Variants in UTRN observed in about 807,000 individuals in gnomAD.
The protein encoded by UTRN is dystrophin-related protein 1.
Under a neutral mutation model 463.9 loss-of-function variants are expected in UTRN, and 283 were observed. That is an observed-to-expected ratio of 0.61 (90% CI 0.55 to 0.67). UTRN has a LOEUF of 0.67. UTRN is among the 30% of genes least tolerant of loss of function. The pLI is 0.00. For missense variants in UTRN, 3,922 were observed against 4,084.3 expected, an observed-to-expected ratio of 0.96 and a Z score of 1.08; for synonymous variants, 1,442 against 1,431.5, an observed-to-expected ratio of 1.01 and a Z score of -0.17.
intron 51 of UTRN, among the ~76,000 whole-genome samples, chr6:144,669,456 T>C (rs1206417406): frequency 6.6e-6 from 1 of 152,224 alleles, no homozygotes; most frequent in Non-Finnish European, 1.5e-5. Flanking sequence ...TTATATCCTG[T>C]TGTTAAAAAT....
chr6:144,516,660 TA>T (rs11315151), intron 38 of UTRN, 150 bp from the exon 39 acceptor site: 50,987 of 647,350 alleles, frequency 0.079, 5,892 homozygotes, highest in East Asian at 0.54. Flanking sequence ...AAAATATATT[TA>T]AAAAAAACAT....
At chr6:144,342,342 TACACACACACACAC>T (rs55809792) in intron 2 of UTRN, among the ~76,000 whole-genome samples, 2 of 138,244 alleles carry the variant, frequency 1.4e-5, no homozygotes, top group East Asian at 2.1e-4. Flanking sequence ...GGTACACACA[TACACACACACACAC>T]ACACACACAC....
intron 51 of UTRN, among the ~76,000 whole-genome samples, chr6:144,611,601 A>G (rs1805534966): frequency 1.3e-5 from 2 of 149,234 alleles, no homozygotes; most frequent in South Asian, 2.2e-4. Context: ...AAACAATCCC[A>G]TTTACAGTAG....
At chr6:144,613,906 A>T (rs1805789924) in intron 51 of UTRN, among the ~76,000 whole-genome samples, 1 of 152,088 alleles carries the variant, frequency 6.6e-6, no homozygotes, top group Non-Finnish European at 1.5e-5. Flanking sequence ...ATGTATGCAA[A>T]CATATATATT....
chr6:144,520,913 G>A (rs1026305555), intron 39 of UTRN, among the ~76,000 whole-genome samples: 1 of 152,154 alleles, frequency 6.6e-6, no homozygotes, highest in East Asian at 1.9e-4. Context: ...TTATTAAATT[G>A]TGGCCATCTA....
intron 51 of UTRN, among the ~76,000 whole-genome samples, chr6:144,592,696 G>A (rs374041914): frequency 1.8e-4 from 28 of 152,172 alleles, no homozygotes; most frequent in African/African-American, 6.5e-4. Context: ...ATTTATTGCC[G>A]GATTTCCATC....
intron 6 of UTRN, among the ~76,000 whole-genome samples, chr6:144,424,849 C>A (rs1034427766): frequency 6.6e-6 from 1 of 151,992 alleles, no homozygotes; most frequent in African/African-American, 2.4e-5. Flanking sequence ...AACAAGAACT[C>A]TCTTATGTAA....
intron 51 of UTRN, among the ~76,000 whole-genome samples, chr6:144,640,236 G>A (rs1397742876): frequency 6.6e-6 from 1 of 152,094 alleles, no homozygotes; most frequent in Non-Finnish European, 1.5e-5. Context: ...GGAATCTAAT[G>A]TTAATGAGAA....
chr6:144,728,716 GT>G (rs2128713315), intron 53 of UTRN, among the ~76,000 whole-genome samples: 1 of 152,114 alleles, frequency 6.6e-6, no homozygotes, highest in East Asian at 1.9e-4. Context: ...TTTAGAGAAA[GT>G]TTTATTTTAT....
At chr6:144,482,947 A>T (rs1225424742) in intron 27 of UTRN, among the ~76,000 whole-genome samples, 1 of 151,964 alleles carries the variant, frequency 6.6e-6, no homozygotes, top group Non-Finnish European at 1.5e-5. Flanking sequence ...AGTCTATGAA[A>T]TTTTTTTAAA....
intron 2 of UTRN, among the ~76,000 whole-genome samples, chr6:144,388,350 G>A (rs962579824): frequency 1.7e-4 from 26 of 150,472 alleles, no homozygotes; most frequent in African/African-American, 5.4e-4. Flanking sequence ...GTCTTACTTT[G>A]TTGTCCCACT....
At chr6:144,541,581 T>C (rs1452307919) in intron 45 of UTRN, among the ~76,000 whole-genome samples, 1 of 152,248 alleles carries the variant, frequency 6.6e-6, no homozygotes, top group African/African-American at 2.4e-5. Context: ...GTTTATTTCA[T>C]TCATTCATAC....
At chr6:144,392,715 A>G (rs1422509207) in intron 2 of UTRN, among the ~76,000 whole-genome samples, 2 of 152,188 alleles carry the variant, frequency 1.3e-5, no homozygotes, top group East Asian at 3.8e-4. Context: ...TGCACACTGG[A>G]ATATGTGTGT....
intron 65 of UTRN, among the ~76,000 whole-genome samples, chr6:144,819,911 C>CCTCCTCCTCCTGTCTCT (rs11397588): frequency 2.5e-5 from 3 of 118,610 alleles, no homozygotes; most frequent in Non-Finnish European, 5.0e-5. Context: ...TCCTCCTCCT[C>CCTCCTCCTCCTGTCTCT]CTCTCTCTCT....
chr6:144,552,118 A>C (rs1798975350), intron 48 of UTRN, among the ~76,000 whole-genome samples: 1 of 152,256 alleles, frequency 6.6e-6, no homozygotes, highest in African/African-American at 2.4e-5. Context: ...ACTACCTAAT[A>C]AATATTTGTG....
chr6:144,827,804 T>G, intron 68 of UTRN, 128 bp downstream of exon 68: 3 of 1,143,616 alleles, frequency 2.6e-6, no homozygotes, highest in Non-Finnish European at 3.7e-6. Flanking sequence ...GATTCCATTA[T>G]ATTTGGAATT....
intron 52 of UTRN, among the ~76,000 whole-genome samples, chr6:144,681,548 G>A (rs1438342097): frequency 1.3e-5 from 2 of 152,092 alleles, no homozygotes; most frequent in African/African-American, 4.8e-5. Context: ...GGCTTTGGTG[G>A]CCTTTTGCCA....
chr6:144,446,277 G>A (rs1031182812), intron 14 of UTRN, among the ~76,000 whole-genome samples: 13 of 152,270 alleles, frequency 8.5e-5, no homozygotes, highest in Admixed American at 3.3e-4. Flanking sequence ...TTGTGTGTGT[G>A]TGTGTACTGT....
At chr6:144,748,595 A>G (rs1255140078) in intron 55 of UTRN, 81 bp downstream of exon 55, 30 of 1,514,558 alleles carry the variant, frequency 2.0e-5, no homozygotes, top group Non-Finnish European at 2.4e-5. Context: ...CCACGTATAT[A>G]AATTGTTATA....
Sources: gnomAD v4.1 joint callset for allele counts (sites outside exome capture counted in the v4.1 genomes callset) on GRCh38, gnomAD v4.1.1 for gene constraint, MANE v1.5 for transcripts, NCBI Gene and HGNC (gene_info 2026-07-23, HGNC 2026-07-21) for gene names.